CIRSR: variants seen among roughly 807,000 people sequenced by gnomAD.
The protein encoded by CIRSR is CBF1 (RBPJ) interacting corepressor 1.
the CIRSR span, among the ~76,000 whole-genome samples, chr2:174,377,409 G>T: frequency 6.6e-6 from 1 of 152,168 alleles, no homozygotes; most frequent in African/African-American, 2.4e-5. Flanking sequence ...CTGTACTGGG[G>T]TATCAGTGGG....
At chr2:174,355,423 T>C in the CIRSR span, among the ~76,000 whole-genome samples, 1 of 152,206 alleles carries the variant, frequency 6.6e-6, no homozygotes, top group Non-Finnish European at 1.5e-5. Context: ...CCTTTCTAGA[T>C]CATCTCAGCC....
chr2:174,359,929 A>T, the CIRSR span, among the ~76,000 whole-genome samples: 1 of 152,248 alleles, frequency 6.6e-6, no homozygotes, highest in Non-Finnish European at 1.5e-5. Context: ...ATGAAGCTGG[A>T]AACCATCATT....
the CIRSR span, among the ~76,000 whole-genome samples, chr2:174,361,755 T>C: frequency 6.6e-6 from 1 of 152,208 alleles, no homozygotes; most frequent in African/African-American, 2.4e-5. Context: ...CTAAAAACTA[T>C]AGTGTAAACA....
At chr2:174,356,512 GAAGA>G in the CIRSR span, among the ~76,000 whole-genome samples, 10 of 77,678 alleles carry the variant, frequency 1.3e-4, no homozygotes, top group South Asian at 6.4e-4. Flanking sequence ...AGAAGGGAAG[GAAGA>G]AAGAAAGAAA....
At chr2:174,378,887 T>G in the CIRSR span, 22 of 1,404,846 alleles carry the variant, frequency 1.6e-5, no homozygotes, top group Non-Finnish European at 1.8e-5. Context: ...TTTCCTTGTT[T>G]GTCCTCTCCC....
the CIRSR span, among the ~76,000 whole-genome samples, chr2:174,354,420 ATATAT>A: frequency 8.7e-5 from 6 of 68,640 alleles, no homozygotes; most frequent in African/African-American, 9.8e-5. Context: ...TATATATAAT[ATATAT>A]TATATGATAT....
the CIRSR span, among the ~76,000 whole-genome samples, chr2:174,362,729 A>C: frequency 2.3e-5 from 3 of 131,716 alleles, 1 homozygote; most frequent in Non-Finnish European, 4.9e-5. Flanking sequence ...TACATTTATC[A>C]GAGAATTGAG....
At chr2:174,378,701 G>C in the CIRSR span, 2 of 516,470 alleles carry the variant, frequency 3.9e-6, no homozygotes, top group Admixed American at 3.4e-5. Context: ...AGGGCCTTTG[G>C]CTGGAAAAAT....
chr2:174,391,255 G>A, the CIRSR span, among the ~76,000 whole-genome samples: 27,245 of 152,184 alleles, frequency 0.18, 3,109 homozygotes, highest in Middle Eastern at 0.3. Context: ...AACAGGGCAA[G>A]ATATAACTGG....
chr2:174,391,471 T>C, the CIRSR span, among the ~76,000 whole-genome samples: 31 of 152,270 alleles, frequency 2.0e-4, no homozygotes, highest in African/African-American at 7.0e-4. Context: ...GTATCTGTAA[T>C]CCCAGCTACT....
the CIRSR span, among the ~76,000 whole-genome samples, chr2:174,363,001 C>A: frequency 6.6e-6 from 1 of 152,120 alleles, no homozygotes; most frequent in African/African-American, 2.4e-5. Context: ...GAACAATCTC[C>A]GTGTGCTTCC....
the CIRSR span, chr2:174,380,270 T>G: frequency 1.3e-6 from 2 of 1,547,090 alleles, no homozygotes; most frequent in Non-Finnish European, 1.8e-6. Context: ...AGAGGAAATG[T>G]ACAAACACAA....
At chr2:174,381,101 A>G in the CIRSR span, among the ~76,000 whole-genome samples, 12 of 152,348 alleles carry the variant, frequency 7.9e-5, no homozygotes, top group African/African-American at 2.4e-4. Flanking sequence ...AATATTTAGT[A>G]AGAAGGACTA....
At chr2:174,379,095 G>A in the CIRSR span, 1 of 1,205,090 alleles carries the variant, frequency 8.3e-7, no homozygotes, top group Non-Finnish European at 1.2e-6. Context: ...TCTAACCAAT[G>A]TTCAAATTCC....
the CIRSR span, among the ~76,000 whole-genome samples, chr2:174,367,917 G>C: frequency 6.6e-6 from 1 of 152,006 alleles, no homozygotes; most frequent in Non-Finnish European, 1.5e-5. Flanking sequence ...GATAAGGCTG[G>C]AGTAACTATA....
chr2:174,394,272 C>T, the CIRSR span, among the ~76,000 whole-genome samples: 1 of 152,108 alleles, frequency 6.6e-6, no homozygotes, highest in Non-Finnish European at 1.5e-5. Context: ...TAAGCAAGCA[C>T]CTGAATTCCA....
At chr2:174,359,682 C>G in the CIRSR span, among the ~76,000 whole-genome samples, 1 of 152,090 alleles carries the variant, frequency 6.6e-6, no homozygotes, top group African/African-American at 2.4e-5. Context: ...ACTAGAAATA[C>G]CATTTGACCC....
At chr2:174,371,599 C>G in the CIRSR span, among the ~76,000 whole-genome samples, 32,698 of 152,016 alleles carry the variant, frequency 0.22, 5,135 homozygotes, top group East Asian at 0.65. Flanking sequence ...TATTCTAAAC[C>G]ATTTTAGCCC....
chr2:174,378,376 A>T, the CIRSR span, among the ~76,000 whole-genome samples: 1 of 152,252 alleles, frequency 6.6e-6, no homozygotes, highest in African/African-American at 2.4e-5. Context: ...GCACTAATAA[A>T]TTTAAGTTAA....
Sources: gnomAD v4.1 joint callset for allele counts (sites outside exome capture counted in the v4.1 genomes callset) on GRCh38, gnomAD v4.1.1 for gene constraint, MANE v1.5 for transcripts, NCBI Gene and HGNC (gene_info 2026-07-23, HGNC 2026-07-21) for gene names.